Variants in PDE4D observed in about 807,000 individuals in gnomAD.
PDE4D encodes 3',5'-cyclic-AMP phosphodiesterase 4D.
PDE4D carries 24 observed loss-of-function variants against 87.4 expected under a neutral mutation model. The ratio of observed to expected loss-of-function variants is 0.27; its 90% confidence interval spans 0.20 to 0.39. The LOEUF is 0.39. PDE4D is among the 10% of genes least tolerant of loss of function. The pLI is 1.00. For missense variants in PDE4D, 714 were observed against 1,041.0 expected (o/e 0.69, Z 4.32); for synonymous variants, 384 against 383.2 (o/e 1.00, Z -0.02).
intron 1 of PDE4D, among the ~76,000 whole-genome samples, chr5:59,705,734 A>G (rs1036670670): frequency 2.6e-5 from 4 of 152,196 alleles, no homozygotes; most frequent in African/African-American, 9.6e-5. Context: ...AATTGTACAC[A>G]GCACCCTATA....
chr5:60,494,536 G>T (rs1386096539), intron 1 of PDE4D, among the ~76,000 whole-genome samples: 1 of 152,180 alleles, frequency 6.6e-6, no homozygotes, highest in African/African-American at 2.4e-5. Context: ...CATAGGTCCA[G>T]TTTGTCTTTA....
chr5:59,876,464 T>G (rs1748620542), intron 1 of PDE4D, among the ~76,000 whole-genome samples: 4 of 152,218 alleles, frequency 2.6e-5, no homozygotes, highest in African/African-American at 9.7e-5. Flanking sequence ...TTTCCATCTC[T>G]TTATTCTTTA....
intron 1 of PDE4D, among the ~76,000 whole-genome samples, chr5:59,270,821 C>T (rs73760152): frequency 1.3e-5 from 2 of 152,250 alleles, no homozygotes; most frequent in African/African-American, 4.8e-5. Flanking sequence ...AACCAGAGCA[C>T]GTTCTTTGAG....
At chr5:59,813,017 T>C (rs1768542311) in intron 1 of PDE4D, among the ~76,000 whole-genome samples, 1 of 152,258 alleles carries the variant, frequency 6.6e-6, no homozygotes, top group Non-Finnish European at 1.5e-5. Context: ...TGTTTATCCC[T>C]TCTATACCTG....
chr5:60,509,998 C>T (rs1157944864), intron 1 of PDE4D, among the ~76,000 whole-genome samples: 1 of 152,128 alleles, frequency 6.6e-6, no homozygotes, highest in East Asian at 1.9e-4. Context: ...AGAAGAGAAA[C>T]ATCACAGCTA....
At chr5:60,187,797 T>C (rs1297678741) in intron 1 of PDE4D, among the ~76,000 whole-genome samples, 1 of 152,178 alleles carries the variant, frequency 6.6e-6, no homozygotes, top group Non-Finnish European at 1.5e-5. Context: ...GGGTATAGAC[T>C]TTGGAACCAA....
intron 3 of PDE4D, among the ~76,000 whole-genome samples, chr5:59,985,646 T>G (rs1016953012): frequency 2.0e-5 from 3 of 152,208 alleles, no homozygotes; most frequent in Non-Finnish European, 4.4e-5. Context: ...TTGTTCCATC[T>G]TTCAAAAAGA....
intron 6 of PDE4D, among the ~76,000 whole-genome samples, chr5:58,997,421 A>G (rs1749485846): frequency 6.6e-6 from 1 of 152,150 alleles, no homozygotes; most frequent in African/African-American, 2.4e-5. Context: ...AAAATTACCA[A>G]AGGGGGAAGG....
chr5:59,047,756 C>T (rs763695006), intron 5 of PDE4D, among the ~76,000 whole-genome samples: 8 of 152,156 alleles, frequency 5.3e-5, no homozygotes, highest in Non-Finnish European at 7.3e-5. Context: ...CCCGGTGTCA[C>T]GGTATTTGGA....
intron 1 of PDE4D, among the ~76,000 whole-genome samples, chr5:60,380,250 G>A (rs1761755669): frequency 6.6e-6 from 1 of 152,166 alleles, no homozygotes; most frequent in African/African-American, 2.4e-5. Flanking sequence ...GTGTATCCTA[G>A]CTGGCCTCTC....
At chr5:59,567,916 A>G (rs1310998378) in intron 1 of PDE4D, among the ~76,000 whole-genome samples, 4 of 152,234 alleles carry the variant, frequency 2.6e-5, no homozygotes, top group African/African-American at 4.8e-5. Flanking sequence ...AGATATGTGT[A>G]CATACACAGG....
At chr5:59,913,212 T>C (rs1474771584) in intron 3 of PDE4D, among the ~76,000 whole-genome samples, 1 of 152,210 alleles carries the variant, frequency 6.6e-6, no homozygotes, top group Non-Finnish European at 1.5e-5. Context: ...CCAATGATTA[T>C]TATATACTAA....
At chr5:60,472,645 A>G (rs1323630978) in intron 1 of PDE4D, among the ~76,000 whole-genome samples, 3 of 152,062 alleles carry the variant, frequency 2.0e-5, no homozygotes, top group Non-Finnish European at 4.4e-5. Context: ...TCTTATTCTC[A>G]CTGTCAGTGC....
intron 1 of PDE4D, among the ~76,000 whole-genome samples, chr5:59,345,982 A>G (rs1276967102): frequency 6.6e-6 from 1 of 152,216 alleles, no homozygotes; most frequent in Non-Finnish European, 1.5e-5. Flanking sequence ...CTATCCATCA[A>G]CACTAGAATA....
chr5:59,704,892 A>C (rs1245997790), intron 1 of PDE4D, among the ~76,000 whole-genome samples: 2 of 152,192 alleles, frequency 1.3e-5, no homozygotes, highest in Non-Finnish European at 2.9e-5. Context: ...CCTTTGAAAT[A>C]TGTGTGTGTT....
intron 5 of PDE4D, among the ~76,000 whole-genome samples, chr5:59,141,858 G>C (rs7714707): frequency 0.24 from 35,993 of 152,066 alleles, 4,548 homozygotes; most frequent in African/African-American, 0.29. Context: ...GGAGGTTCTT[G>C]CAGTTATAGC....
chr5:60,117,570 T>C (rs192475607), intron 2 of PDE4D, among the ~76,000 whole-genome samples: 203 of 152,246 alleles, frequency 1.3e-3, no homozygotes, highest in African/African-American at 4.6e-3. Flanking sequence ...AATATGAATG[T>C]ACTGTCTTAC....
chr5:59,330,896 C>T (rs1776611024), intron 1 of PDE4D, among the ~76,000 whole-genome samples: 2 of 152,094 alleles, frequency 1.3e-5, no homozygotes, highest in South Asian at 2.1e-4. Context: ...TTTCTGACAT[C>T]GTGATGGATG....
chr5:59,001,971 C>A, intron 6 of PDE4D: 1 of 482,634 alleles, frequency 2.1e-6, no homozygotes, highest in Admixed American at 2.2e-5. Flanking sequence ...CCGGCATGTT[C>A]CCCTATACGG....
Sources: gnomAD v4.1 joint callset for allele counts (sites outside exome capture counted in the v4.1 genomes callset) on GRCh38, gnomAD v4.1.1 for gene constraint, MANE v1.5 for transcripts, NCBI Gene and HGNC (gene_info 2026-07-23, HGNC 2026-07-21) for gene names.